Variants in CIDEB observed in about 807,000 individuals in gnomAD.
CIDEB encodes the protein lipid transferase CIDEB.
Under a neutral mutation model 22.4 loss-of-function variants are expected in CIDEB, and 27 were observed. That is an observed-to-expected ratio of 1.21 (90% CI 0.89 to 1.66). The LOEUF (loss-of-function observed/expected upper bound fraction) is 1.66, where lower values mean the gene tolerates loss of function less well. Among genes scored for constraint, CIDEB ranks in the 40% most tolerant of loss-of-function variants. CIDEB has a pLI of 0.00. For missense variants in CIDEB, 289 were observed against 268.7 expected (o/e 1.08, Z -0.53); for synonymous variants, 103 against 109.5 (o/e 0.94, Z 0.37).
At chr14:24,307,731 G>A (rs906582876) in intron 1 of CIDEB, 87 bp downstream of exon 1, 3 of 1,416,794 alleles carry the variant, frequency 2.1e-6, no homozygotes, top group Non-Finnish European at 9.8e-7. Context: ...AAGGGGTACT[G>A]GTTAGTCTCC....
upstream of CIDEB, chr14:24,309,425 G>A (rs1379806753): frequency 6.6e-6 from 1 of 152,248 alleles, no homozygotes; most frequent in Non-Finnish European, 1.5e-5. Context: ...CTTGAGCAGA[G>A]GCCTTTCTTT....
At chr14:24,310,820 G>T, upstream of CIDEB, 1 of 1,594,566 alleles carries the variant, frequency 6.3e-7, no homozygotes, top group South Asian at 1.1e-5. Context: ...GGCCTGCACG[G>T]GGGCGACCGC....
chr14:24,311,403 C>CG, upstream of CIDEB: 1 of 1,601,740 alleles, frequency 6.2e-7, no homozygotes, highest in Non-Finnish European at 8.5e-7. Context: ...CAACCTTCTG[C>CG]AGGCGGTCGC....
upstream of CIDEB, chr14:24,310,429 C>T (rs1041220675): frequency 1.5e-6 from 1 of 665,620 alleles, no homozygotes; most frequent in African/African-American, 1.8e-5. Flanking sequence ...GGAAGGAGGC[C>T]AGGAGTGGGG....
chr14:24,310,561 A>G (rs371376421), upstream of CIDEB: 29 of 1,230,704 alleles, frequency 2.4e-5, no homozygotes, highest in African/African-American at 4.5e-5. Context: ...GCAGGGAAGT[A>G]AGGAGGAGGC....
Position 24,305,464 on chromosome 14 carries a change from G to A in CIDEB, c.*169C>T. On this transcript the variant is annotated 3_prime_UTR_variant, in exon 5 of 5. Coordinates refer to ENST00000554411, the MANE Select transcript of CIDEB (RefSeq NM_001393339.1). ...TCTTCAGGTAAGGGTATAGACTTGGGATGTGAGGCGTTATGCTGAAAGGTT... is the reference window on the plus strand; with the variant it reads ...TCTTCAGGTAAGGGTATAGACTTGGAATGTGAGGCGTTATGCTGAAAGGTT... The A allele has an allele frequency of 2.6e-6, 2 of 770,878 alleles. No individual in the cohort carries two copies. The highest frequency in any genetic ancestry group is 4.1e-6 in the Non-Finnish European group (2 of 490,376). The allele number at this position is 770,878 out of a possible 1,614,324, so 47.8% of individuals were successfully genotyped here.
At chr14:24,308,179 GGT>G (rs1324956416), upstream of CIDEB, 3 of 379,868 alleles carry the variant, frequency 7.9e-6, no homozygotes, top group African/African-American at 4.1e-5. Flanking sequence ...TGTGACTTCT[GGT>G]GTTTTTTTAT....
chr14:24,307,981 T>A, upstream of CIDEB: 1 of 912,882 alleles, frequency 1.1e-6, no homozygotes, highest in Non-Finnish European at 1.7e-6. Flanking sequence ...TGGGAATGAG[T>A]CAAGCCTGGA....
intron 1 of CIDEB, 135 bp downstream of exon 1, chr14:24,307,683 G>A: frequency 8.0e-7 from 1 of 1,257,286 alleles, no homozygotes; most frequent in Non-Finnish European, 1.1e-6. Context: ...TGGCTCAGGA[G>A]CTTGACAAGC....
chr14:24,310,099 CCCAGGAGAG>C, upstream of CIDEB: 1 of 168,820 alleles, frequency 5.9e-6, no homozygotes, highest in Admixed American at 6.2e-5. Context: ...AGGGAGGGGC[CCCAGGAGAG>C]GCCCAGGATG....
At chr14:24,307,145 C>G in intron 2 of CIDEB, 1 of 425,052 alleles carries the variant, frequency 2.4e-6, no homozygotes, top group Non-Finnish European at 4.2e-6. Flanking sequence ...TTCTGTCCCT[C>G]GAACTCTCCC....
chr14:24,306,239 C>T, intron 3 of CIDEB, 102 bp from the exon 4 acceptor site: 1 of 1,523,676 alleles, frequency 6.6e-7, no homozygotes, highest in Admixed American at 1.7e-5. Flanking sequence ...GACTTTCTGT[C>T]CACTGTGTGA....
At chr14:24,309,206 T>C (rs780448255), upstream of CIDEB, 1 of 152,242 alleles carries the variant, frequency 6.6e-6, no homozygotes, top group Non-Finnish European at 1.5e-5. Context: ...TAACATACTC[T>C]TAATGGCTTT....
chr14:24,306,739 T>C, intron 2 of CIDEB: 1 of 582,122 alleles, frequency 1.7e-6, no homozygotes, highest in Non-Finnish European at 3.0e-6. Context: ...GCTCCTACCA[T>C]GTCATTGGCA....
At position 24,305,262 on chromosome 14, in the gene CIDEB, A is replaced by C; in HGVS notation, c.*371T>G. On this transcript the variant is annotated 3_prime_UTR_variant, in exon 5 of 5. Transcript: ENST00000554411. The stretch of plus-strand genomic sequence containing the variant: ...GGGGAAGGGTATGAAGACAGATCTC[A>C]AGGTAAAGTCAGAGAGGGCTGTCAT... 86 of 749,410 alleles carry C rather than the reference A, an allele frequency of 1.1e-4. No individual in the cohort carries two copies. Among genetic ancestry groups the C allele is most frequent in the Non-Finnish European group, 1.5e-4 (76 of 513,316 alleles). 46.4% of individuals were successfully genotyped at this position (749,410 alleles called of 1,614,324 possible).
chr14:24,310,631 G>A (rs2041661520), upstream of CIDEB: 1 of 1,611,704 alleles, frequency 6.2e-7, no homozygotes, highest in Non-Finnish European at 8.5e-7. Context: ...AACGCCCTCT[G>A]TGGCGCCTTC....
In CIDEB at chr14:24,306,129, C is replaced by T; in HGVS notation, c.345G>A (p.Val115=). Residue 115 remains valine, a synonymous_variant, in exon 4 of 5, where the codon GTG becomes GTA. Coordinates refer to ENST00000554411, the MANE Select transcript of CIDEB (RefSeq NM_001393339.1). ...GQSWSPTRSG[V]LSYGLGRERP... ...TCTCCCGTCCCAGGCCATATGACAG[C>T]ACTCCACTCTGTAGGACACCCTTGT... 6.2e-7 allele frequency: 1 copy of T among 1,613,516 alleles called. No individual in the cohort carries two copies. The highest frequency in any genetic ancestry group is 8.5e-7 in the Non-Finnish European group (1 of 1,179,738).
upstream of CIDEB, chr14:24,311,429 G>T (rs775298161): frequency 6.9e-6 from 11 of 1,601,362 alleles, no homozygotes; most frequent in Non-Finnish European, 9.3e-6. Context: ...TGGCTCCACC[G>T]GAAGGGGCCT....
Position 24,306,460 on chromosome 14 carries a change from C to G in CIDEB, c.250G>C (p.Val84Leu). The change falls in exon 3 of 5, where the codon GTG becomes CTG. Residue 84 changes from valine to leucine, a missense_variant. Physicochemically the swap from Val to Leu is conservative, Grantham distance 32. Coordinates refer to ENST00000554411, the MANE Select transcript of CIDEB (RefSeq NM_001393339.1). Reference protein sequence around the residue: ...TLVLEEDGTAVDSEDFFQLLE... With the variant: ...TLVLEEDGTALDSEDFFQLLE... The stretch of plus-strand genomic sequence containing the variant: ...AGCTGGAAGAAGTCCTCACTGTCCA[C>G]TGCAGTTCCATCCTCCTCTAGCACC... 1 of 1,614,274 alleles carries G rather than the reference C, an allele frequency of 6.2e-7. No homozygotes were observed. The highest frequency in any genetic ancestry group is 8.5e-7 in the Non-Finnish European group (1 of 1,180,048).
Sources: gnomAD v4.1 joint callset for allele counts on GRCh38, gnomAD v4.1.1 for gene constraint, MANE v1.5 for transcripts, NCBI Gene and HGNC (gene_info 2026-07-23, HGNC 2026-07-21) for gene names.